Variants in TMEM30A observed in about 807,000 individuals in gnomAD.
The protein encoded by TMEM30A is cell cycle control protein 50A.
TMEM30A carries 24 observed loss-of-function variants against 38.2 expected under a neutral mutation model. That is an observed-to-expected ratio of 0.63 (90% CI 0.46 to 0.88). The LOEUF (loss-of-function observed/expected upper bound fraction) is 0.88. TMEM30A is among the 40% of genes least tolerant of loss of function. The pLI, the probability that TMEM30A is intolerant of heterozygous loss-of-function variation, is 0.00. For synonymous variants in TMEM30A, 145 were observed against 161.6 expected (o/e 0.90, Z 0.78); for missense variants, 370 against 458.6 (o/e 0.81, Z 1.77).
intron 2 of TMEM30A, among the ~76,000 whole-genome samples, chr6:75,267,004 G>A (rs993445335): frequency 6.6e-6 from 1 of 152,078 alleles, no homozygotes; most frequent in African/African-American, 2.4e-5. Context: ...ATGTATTAAC[G>A]CAGTTTTGCT....
intron 1 of TMEM30A, among the ~76,000 whole-genome samples, chr6:75,275,741 A>T (rs1772250132): frequency 6.6e-6 from 1 of 152,138 alleles, no homozygotes; most frequent in African/African-American, 2.4e-5. Flanking sequence ...ATAGCCTCTT[A>T]ACTGGTTTCC....
chr6:75,269,096 C>T (rs930799759), intron 1 of TMEM30A, among the ~76,000 whole-genome samples: 10 of 152,200 alleles, frequency 6.6e-5, no homozygotes, highest in Admixed American at 6.5e-4. Context: ...CAACTTCCCC[C>T]ACTATCAACA....
chr6:75,283,055 A>G (rs1225435251), intron 1 of TMEM30A, among the ~76,000 whole-genome samples: 4 of 152,220 alleles, frequency 2.6e-5, no homozygotes, highest in Admixed American at 2.6e-4. Flanking sequence ...ATGCTGAAAA[A>G]AAATACTGTA....
chr6:75,256,746 AAAAGGC>A, intron 6 of TMEM30A: 1 of 485,092 alleles, frequency 2.1e-6, no homozygotes, highest in Non-Finnish European at 4.1e-6. Context: ...TGAGACTATG[AAAAGGC>A]TCTGAGCAAA....
intron 3 of TMEM30A, among the ~76,000 whole-genome samples, chr6:75,262,644 C>CA (rs5877446): frequency 2.4e-3 from 353 of 144,762 alleles, no homozygotes; most frequent in African/African-American, 8.6e-3. Context: ...GACTCCGTCT[C>CA]AAAAAAAAAA....
intron 1 of TMEM30A, among the ~76,000 whole-genome samples, chr6:75,271,772 T>C (rs1285086391): frequency 6.6e-6 from 1 of 152,158 alleles, no homozygotes; most frequent in African/African-American, 2.4e-5. Flanking sequence ...TAAACCATTT[T>C]TTCCCCCAAA....
intron 1 of TMEM30A, among the ~76,000 whole-genome samples, chr6:75,281,539 G>A (rs1772356112): frequency 6.6e-6 from 1 of 152,116 alleles, no homozygotes; most frequent in Non-Finnish European, 1.5e-5. Flanking sequence ...CCAAATGTAA[G>A]CATTAAAATG....
At chr6:75,280,123 T>C (rs777500399) in intron 1 of TMEM30A, among the ~76,000 whole-genome samples, 1 of 152,206 alleles carries the variant, frequency 6.6e-6, no homozygotes, top group Non-Finnish European at 1.5e-5. Flanking sequence ...ATGATGTTCC[T>C]AAGCCAATAT....
chr6:75,255,970 GAC>G lies in TMEM30A; in HGVS notation c.*130_*131del, dbSNP rs1771859234. The G allele has an allele frequency of 1.6e-6, 1 of 623,060 alleles. No homozygotes were observed. Among genetic ancestry groups the G allele is most frequent in the Non-Finnish European group, 2.7e-6 (1 of 371,072 alleles). The allele number at this position is 623,060 out of a possible 1,614,324, so 38.6% of individuals were successfully genotyped here. On this transcript the variant is annotated 3_prime_UTR_variant, in exon 7 of 7. Transcript: ENST00000230461. ...CCGTAGGGAAGAAGCAAACAACAAA[GAC>G]TGCTTTTTTTTAGAAAAGTTATGTG...
At chr6:75,265,195 C>T in intron 3 of TMEM30A, 36 bp downstream of exon 3, 1 of 1,260,816 alleles carries the variant, frequency 7.9e-7, no homozygotes, top group Non-Finnish European at 1.1e-6. Context: ...TCTTATTTTA[C>T]AGATATCATA....
At chr6:75,257,588 G>T (rs1328368511) in intron 6 of TMEM30A, among the ~76,000 whole-genome samples, 1 of 152,086 alleles carries the variant, frequency 6.6e-6, no homozygotes, top group Non-Finnish European at 1.5e-5. Context: ...ATCCCCTCAG[G>T]ATAATGTTAT....
chr6:75,281,380 T>C (rs969859728), intron 1 of TMEM30A, among the ~76,000 whole-genome samples: 14 of 152,096 alleles, frequency 9.2e-5, no homozygotes, highest in Non-Finnish European at 1.6e-4. Context: ...CTCCTGATAA[T>C]AAATGAAGAT....
At chr6:75,284,244 A>T in intron 1 of TMEM30A, 158 bp downstream of exon 1, 2 of 727,258 alleles carry the variant, frequency 2.8e-6, no homozygotes, top group Non-Finnish European at 4.7e-6. Flanking sequence ...AACCCGCAGA[A>T]AGAGAAAGAA....
chr6:75,258,946 C>T lies in TMEM30A; in HGVS notation c.726G>A (p.Met242Ile), dbSNP rs140648451. 6.8e-6 allele frequency: 11 copies of T among 1,613,782 alleles called. No individual in the cohort carries two copies. The African/African-American group carries it at 1.3e-4, about 20-fold the overall frequency. Residue 242 changes from methionine (M) to isoleucine (I), a missense_variant, in exon 6 of 7, where the codon ATG becomes ATA. Met to Ile is a conservative substitution (Grantham distance 10). Transcript: ENST00000230461. The stretch of plus-strand genomic sequence containing the variant: ...CATTATTATCTGGGTCAGAATCCAG[C>T]ATGTAAACTGGTTTAAGCCAGTTCA... ...KPVNWLKPVY[M>I]LDSDPDNNGF...
intron 2 of TMEM30A, among the ~76,000 whole-genome samples, chr6:75,267,223 G>A (rs1351046661): frequency 6.6e-6 from 1 of 152,086 alleles, no homozygotes; most frequent in Non-Finnish European, 1.5e-5. Context: ...TGCTTCATAT[G>A]TCATAAAAAT....
chr6:75,273,053 T>C (rs975363521), intron 1 of TMEM30A, among the ~76,000 whole-genome samples: 6 of 152,190 alleles, frequency 3.9e-5, no homozygotes, highest in Non-Finnish European at 7.4e-5. Context: ...TCAGACTGTT[T>C]ATACTTTCAA....
At chr6:75,280,032 T>C (rs1204454873) in intron 1 of TMEM30A, among the ~76,000 whole-genome samples, 1 of 152,142 alleles carries the variant, frequency 6.6e-6, no homozygotes, top group Non-Finnish European at 1.5e-5. Flanking sequence ...CGAGAGACCT[T>C]AATGAAGACA....
chr6:75,265,452 T>C (rs144528758), intron 2 of TMEM30A, 114 bp from the exon 3 acceptor site: 2 of 510,412 alleles, frequency 3.9e-6, no homozygotes, highest in African/African-American at 4.0e-5. Flanking sequence ...CAATTTGTGA[T>C]AGGTAGTGGG....
intron 3 of TMEM30A, among the ~76,000 whole-genome samples, chr6:75,261,548 T>C (rs746912207): frequency 3.3e-5 from 5 of 152,216 alleles, no homozygotes; most frequent in Non-Finnish European, 7.4e-5. Flanking sequence ...ACTTACTCCC[T>C]ACTGAGGATC....
Sources: allele counts gnomAD v4.1 joint callset (sites outside exome capture counted in the v4.1 genomes callset), GRCh38; gene constraint gnomAD v4.1.1; transcripts MANE v1.5; gene names NCBI Gene and HGNC (gene_info 2026-07-23, HGNC 2026-07-21).